Variants in XYLT1 observed in about 807,000 individuals in gnomAD.
XYLT1 encodes xylosyltransferase 1, also known as beta-D-xylosyltransferase 1.
XYLT1 carries 36 observed loss-of-function variants against 91.3 expected under a neutral mutation model. The ratio of observed to expected loss-of-function variants is 0.39; its 90% CI spans 0.30 to 0.52. The LOEUF is 0.52. XYLT1 is among the 20% of genes least tolerant of loss of function. The pLI, the probability that XYLT1 is intolerant of heterozygous loss-of-function variation, is 0.68. For synonymous variants in XYLT1, 588 were observed against 532.0 expected (o/e 1.11, Z -1.45); for missense variants, 1,242 against 1,284.5 (o/e 0.97, Z 0.51).
At chr16:17,172,843 T>C (rs977126247) in intron 5 of XYLT1, among the ~76,000 whole-genome samples, 4 of 152,212 alleles carry the variant, frequency 2.6e-5, no homozygotes, top group Non-Finnish European at 5.9e-5. Flanking sequence ...TTGAGTTGTA[T>C]GGGCCCATTT....
chr16:17,272,743 G>A (rs1044109298), intron 2 of XYLT1, among the ~76,000 whole-genome samples: 5 of 152,180 alleles, frequency 3.3e-5, no homozygotes, highest in African/African-American at 4.8e-5. Flanking sequence ...TGTCCGGCCC[G>A]GCCAGTGTCC....
chr16:17,328,708 G>A (rs1002680619), intron 2 of XYLT1, among the ~76,000 whole-genome samples: 7 of 152,052 alleles, frequency 4.6e-5, no homozygotes, highest in African/African-American at 1.4e-4. Context: ...TTTGATGCCC[G>A]TGCGCAACCA....
At chr16:17,118,560 A>G (rs1321913105) in intron 10 of XYLT1, among the ~76,000 whole-genome samples, 1 of 152,074 alleles carries the variant, frequency 6.6e-6, no homozygotes, top group African/African-American at 2.4e-5. Context: ...AGGCACCTAG[A>G]TCTGGACTGT....
At chr16:17,441,384 T>C (rs1271399934) in intron 1 of XYLT1, among the ~76,000 whole-genome samples, 1 of 152,142 alleles carries the variant, frequency 6.6e-6, no homozygotes, top group Non-Finnish European at 1.5e-5. Flanking sequence ...TATTAAATAT[T>C]GCACTAAAAA....
chr16:17,142,884 C>T (rs557458856), intron 6 of XYLT1, among the ~76,000 whole-genome samples: 2 of 152,208 alleles, frequency 1.3e-5, no homozygotes, highest in South Asian at 2.1e-4. Context: ...TGATTTGTTA[C>T]CTACCTTTAG....
intron 1 of XYLT1, among the ~76,000 whole-genome samples, chr16:17,379,316 C>G (rs1303742687): frequency 1.3e-5 from 2 of 152,196 alleles, no homozygotes; most frequent in Non-Finnish European, 2.9e-5. Flanking sequence ...GCAGCTTCTC[C>G]AAAACTCAGC....
intron 1 of XYLT1, among the ~76,000 whole-genome samples, chr16:17,395,150 G>C (rs1370944892): frequency 6.6e-6 from 1 of 152,136 alleles, no homozygotes; most frequent in Non-Finnish European, 1.5e-5. Flanking sequence ...GAGAGTGAAG[G>C]GGGAACTGCC....
chr16:17,211,728 C>G (rs895840318), intron 3 of XYLT1, among the ~76,000 whole-genome samples: 2 of 152,192 alleles, frequency 1.3e-5, no homozygotes, highest in Non-Finnish European at 1.5e-5. Context: ...TAGCAAGAAT[C>G]TGGCATCCTC....
chr16:17,470,441 C>T lies in XYLT1; in HGVS notation c.356G>A (p.Arg119Gln). The T allele has an allele frequency of 1.6e-6, 2 of 1,230,824 alleles. No individual in the cohort carries two copies. The highest frequency in any genetic ancestry group is 1.6e-5 in the African/African-American group (1 of 64,344). The allele number at this position is 1,230,824 out of a possible 1,614,324, so 76.2% of individuals were successfully genotyped here. A position where few individuals can be genotyped will look rare whatever the true frequency, so the allele number is the denominator to read the frequency against. ...QPASRGALPARALDPHPSPLI... is the reference protein window; with the variant it reads ...QPASRGALPAQALDPHPSPLI... Reference sequence around the variant, plus strand: ...GCCGAAAGGGCATCTTACCAGAGCCCGGGCGGGCAGTGCCCCCCGGCTGGC... The same window carrying T: ...GCCGAAAGGGCATCTTACCAGAGCCTGGGCGGGCAGTGCCCCCCGGCTGGC... The change falls in exon 1 of 12, where the codon CGG becomes CAG. Residue 119 changes from arginine (R) to glutamine (Q), a missense_variant. Physicochemically the swap from Arg to Gln is conservative, Grantham distance 43. Around this residue, in one of 3 missense-constraint regions of XYLT1, gnomAD observed 437 missense variants for 411.5 expected, o/e 1.06. Transcript: ENST00000261381.
intron 1 of XYLT1, among the ~76,000 whole-genome samples, chr16:17,455,621 A>C (rs1199334102): frequency 1.4e-5 from 2 of 147,952 alleles, no homozygotes; most frequent in African/African-American, 2.6e-5. Context: ...TAAATAAATA[A>C]ATAAAAGGTA....
intron 5 of XYLT1, among the ~76,000 whole-genome samples, chr16:17,197,769 G>A (rs938321757): frequency 1.3e-5 from 2 of 152,154 alleles, no homozygotes; most frequent in Non-Finnish European, 2.9e-5. Context: ...TGCACTGTGG[G>A]CTTCCCTACT....
chr16:17,398,023 G>A lies in XYLT1; in HGVS notation c.364-39973C>T, dbSNP rs555756960. On this transcript the variant is annotated intron_variant, in intron 1 of 11. Coordinates refer to ENST00000261381, the MANE Select transcript of XYLT1 (RefSeq NM_022166.4). ...TTATTAGTAGAGACGGGGTTTCACCGTGTTGGTCAGGCTGGCTCAAACTGC... is the reference window on the plus strand; with the variant it reads ...TTATTAGTAGAGACGGGGTTTCACCATGTTGGTCAGGCTGGCTCAAACTGC... 4.7e-4 allele frequency among the ~76,000 whole-genome samples: 72 copies of A among 152,010 alleles called. 1 individual carries two copies. In the South Asian group the frequency reaches 0.013, roughly 28 times the overall value.
intron 2 of XYLT1, among the ~76,000 whole-genome samples, chr16:17,300,917 A>C (rs1294702605): frequency 6.6e-6 from 1 of 152,178 alleles, no homozygotes; most frequent in African/African-American, 2.4e-5. Flanking sequence ...AGAGCAATCC[A>C]TAAGACAATT....
intron 1 of XYLT1, among the ~76,000 whole-genome samples, chr16:17,436,804 T>C (rs908296903): frequency 3.9e-5 from 6 of 152,226 alleles, no homozygotes; most frequent in African/African-American, 1.2e-4. Context: ...TAAACTAGCA[T>C]TTCTGTTACG....
chr16:17,400,632 GAA>G (rs772477475), intron 1 of XYLT1, among the ~76,000 whole-genome samples: 690 of 64,576 alleles, frequency 0.011, 12 homozygotes, highest in Non-Finnish European at 0.013. Flanking sequence ...AGGAAGGGAG[GAA>G]GGAAGGAAGG....
chr16:17,138,856 C>T (rs527762207), intron 7 of XYLT1: 23 of 221,436 alleles, frequency 1.0e-4, no homozygotes, highest in African/African-American at 2.0e-4. Flanking sequence ...CAACTCAGAG[C>T]GCAGGCGGAT....
chr16:17,446,678 T>C (rs926709650), intron 1 of XYLT1, among the ~76,000 whole-genome samples: 8 of 151,974 alleles, frequency 5.3e-5, no homozygotes, highest in African/African-American at 1.9e-4. Flanking sequence ...TGGAAGGAGG[T>C]AGGCGAAGAC....
At chr16:17,344,995 G>A (rs138183886) in intron 2 of XYLT1, among the ~76,000 whole-genome samples, 1 of 152,304 alleles carries the variant, frequency 6.6e-6, no homozygotes, top group African/African-American at 2.4e-5. Flanking sequence ...GTGAGCCACT[G>A]CGCCCGGCCT....
chr16:17,237,064 C>G (rs1052351505), intron 3 of XYLT1, among the ~76,000 whole-genome samples: 1 of 152,074 alleles, frequency 6.6e-6, no homozygotes, highest in African/African-American at 2.4e-5. Context: ...GGCTGTTCAA[C>G]GCAGAAAGTA....
Sources: gnomAD v4.1 joint callset for allele counts (sites outside exome capture counted in the v4.1 genomes callset) on GRCh38, gnomAD v4.1.1 for gene constraint, gnomAD v4.1.1 regional missense constraint, MANE v1.5 for transcripts, NCBI Gene and HGNC (gene_info 2026-07-23, HGNC 2026-07-21) for gene names.